XIRP2: variants seen among roughly 807,000 people sequenced by gnomAD.
The protein encoded by XIRP2 is xin actin-binding repeat-containing protein 2.
In XIRP2, 236 loss-of-function variants were observed where a neutral mutation model predicts 277.0. The ratio of observed to expected loss-of-function variants is 0.85; its 90% CI spans 0.77 to 0.95. The LOEUF (loss-of-function observed/expected upper bound fraction) is 0.95, where lower values mean the gene tolerates loss of function less well. XIRP2 is among the 40% of genes least tolerant of loss of function. The pLI, the probability that XIRP2 is intolerant of heterozygous loss-of-function variation, is 0.00. For missense variants in XIRP2, 4,640 were observed against 4,157.5 expected, an observed-to-expected ratio of 1.12 and a Z score of -3.19; for synonymous variants, 1,490 against 1,416.5, an observed-to-expected ratio of 1.05 and a Z score of -1.17.
chr2:166,928,848 CACAGGA>C (rs1235008238), intron 2 of XIRP2, among the ~76,000 whole-genome samples: 12 of 151,968 alleles, frequency 7.9e-5, no homozygotes, highest in Admixed American at 3.3e-4. Flanking sequence ...GGGTGATAGG[CACAGGA>C]AGACTGTGCT....
intron 2 of XIRP2, among the ~76,000 whole-genome samples, chr2:167,000,221 T>A (rs1321735028): frequency 1.3e-5 from 2 of 152,180 alleles, no homozygotes; most frequent in Non-Finnish European, 2.9e-5. Flanking sequence ...AGCTACTTTA[T>A]GTTGTCTTTC....
chr2:167,011,835 C>T (rs367904813), intron 2 of XIRP2, among the ~76,000 whole-genome samples: 32 of 151,204 alleles, frequency 2.1e-4, no homozygotes, highest in African/African-American at 4.4e-4. Context: ...ATCCATTTCT[C>T]CTAGATTTTC....
At chr2:167,119,600 A>G (rs1690995874) in intron 2 of XIRP2, among the ~76,000 whole-genome samples, 1 of 152,212 alleles carries the variant, frequency 6.6e-6, no homozygotes, top group African/African-American at 2.4e-5. Flanking sequence ...CTTCTTTGTC[A>G]AATTTCAGTA....
At chr2:166,957,198 A>G (rs947027943) in intron 2 of XIRP2, among the ~76,000 whole-genome samples, 1 of 151,674 alleles carries the variant, frequency 6.6e-6, no homozygotes, top group African/African-American at 2.4e-5. Flanking sequence ...GGATATTAAT[A>G]TTTTATGATC....
chr2:167,037,648 A>G (rs891629414), intron 2 of XIRP2, among the ~76,000 whole-genome samples: 59 of 152,056 alleles, frequency 3.9e-4, no homozygotes, highest in African/African-American at 1.3e-3. Flanking sequence ...TGAGACCCTC[A>G]GGCTAGGGTA....
chr2:167,080,334 A>G (rs1689695828), intron 2 of XIRP2, among the ~76,000 whole-genome samples: 1 of 152,188 alleles, frequency 6.6e-6, no homozygotes, highest in Admixed American at 6.5e-5. Flanking sequence ...AATCCCAGAG[A>G]GATAAAACAG....
intron 2 of XIRP2, among the ~76,000 whole-genome samples, chr2:166,938,669 TG>T (rs1331260166): frequency 6.6e-6 from 1 of 152,202 alleles, no homozygotes; most frequent in Non-Finnish European, 1.5e-5. Flanking sequence ...TCTGTCTCGT[TG>T]ATCTGTCTAA....
chr2:167,031,392 G>A (rs939210667), intron 2 of XIRP2, among the ~76,000 whole-genome samples: 1 of 152,008 alleles, frequency 6.6e-6, no homozygotes, highest in African/African-American at 2.4e-5. Context: ...AGGCCTAGTT[G>A]TGACAAAATC....
intron 2 of XIRP2, among the ~76,000 whole-genome samples, chr2:167,032,113 C>A (rs566394027): frequency 2.6e-4 from 40 of 152,088 alleles, no homozygotes; most frequent in African/African-American, 9.6e-4. Flanking sequence ...GATATATAGA[C>A]AAATGGAACA....
chr2:167,153,589 G>T (rs749205286), intron 3 of XIRP2, among the ~76,000 whole-genome samples: 17 of 151,442 alleles, frequency 1.1e-4, no homozygotes, highest in African/African-American at 1.7e-4. Flanking sequence ...CCCCAGAGTG[G>T]GATGTTCCCC....
At chr2:166,928,305 T>A (rs1387806421) in intron 2 of XIRP2, among the ~76,000 whole-genome samples, 1 of 152,124 alleles carries the variant, frequency 6.6e-6, no homozygotes, top group Non-Finnish European at 1.5e-5. Flanking sequence ...CATAGTCATG[T>A]GTTATAAGCC....
At chr2:167,065,156 C>A (rs1689270245) in intron 2 of XIRP2, among the ~76,000 whole-genome samples, 1 of 151,866 alleles carries the variant, frequency 6.6e-6, no homozygotes, top group South Asian at 2.1e-4. Flanking sequence ...AAATCCTTGT[C>A]AATACTTGTT....
At chr2:167,231,810 ATTACTCCAATTTCAAGAAATTTATAAGT>A (rs1694767195) in intron 5 of XIRP2, among the ~76,000 whole-genome samples, 1 of 151,958 alleles carries the variant, frequency 6.6e-6, no homozygotes, top group Admixed American at 6.6e-5. Flanking sequence ...GTGGCAGGAG[ATTACTCCAATTTCAAGAAATTTATAAGT>A]ATTTCAGAAG....
chr2:166,970,507 A>G (rs564292842), intron 2 of XIRP2, among the ~76,000 whole-genome samples: 1 of 152,100 alleles, frequency 6.6e-6, no homozygotes, highest in East Asian at 1.9e-4. Flanking sequence ...CACAGAAATA[A>G]TGCAGCAGAA....
chr2:167,071,592 G>T (rs1689438971), intron 2 of XIRP2, among the ~76,000 whole-genome samples: 1 of 152,136 alleles, frequency 6.6e-6, no homozygotes, highest in East Asian at 1.9e-4. Flanking sequence ...AGAACATAGG[G>T]TGGGGTCTGT....
rs763436813 is a variant in XIRP2 at position 167,244,785 on chromosome 2, T to C, written c.3393T>C (p.Phe1131=). The part of the protein sequence containing the change: ...KGDVKTCTWL[F]ETQPLDTIKD... ...ATGTCAAAACTTGTACTTGGCTCTT[T>C]GAAACTCAGCCACTTGATACCATAA... is the stretch of plus-strand genomic sequence containing the variant. The change falls in exon 9 of 11, where the codon TTT becomes TTC. Residue 1131 remains phenylalanine, a synonymous_variant. Transcript: ENST00000409195. The C allele has an allele frequency of 6.2e-7, 1 of 1,613,600 alleles. No homozygotes were observed. The highest frequency in any genetic ancestry group is 1.7e-5 in the Admixed American group (1 of 59,954).
At chr2:167,043,132 CTATGAAA>C (rs1688702504) in intron 2 of XIRP2, among the ~76,000 whole-genome samples, 1 of 151,954 alleles carries the variant, frequency 6.6e-6, no homozygotes, top group Non-Finnish European at 1.5e-5. Flanking sequence ...CCCTTGAAAC[CTATGAAA>C]ACAAAGGTAT....
chr2:167,103,532 C>A (rs975243416), intron 2 of XIRP2, among the ~76,000 whole-genome samples: 1 of 152,066 alleles, frequency 6.6e-6, no homozygotes, highest in East Asian at 1.9e-4. Flanking sequence ...CACCATTGTT[C>A]CAGGAATTTA....
At chr2:167,040,988 G>C (rs1305759100) in intron 2 of XIRP2, among the ~76,000 whole-genome samples, 3 of 152,150 alleles carry the variant, frequency 2.0e-5, no homozygotes, top group Non-Finnish European at 4.4e-5. Context: ...CCCTGACAAA[G>C]TGCATTTGCC....
Sources: gnomAD v4.1 joint callset for allele counts (sites outside exome capture counted in the v4.1 genomes callset) on GRCh38, gnomAD v4.1.1 for gene constraint, MANE v1.5 for transcripts, NCBI Gene and HGNC (gene_info 2026-07-23, HGNC 2026-07-21) for gene names.